The following CA8 variants were observed in gnomAD, a reference collection of about 807,000 sequenced individuals.
The protein encoded by CA8 is carbonic anhydrase-related protein.
A neutral mutation model predicts 41.4 loss-of-function variants in CA8; 22 were observed. The observed-to-expected ratio is 0.53, with a 90% CI of 0.38 to 0.76. The LOEUF (loss-of-function observed/expected upper bound fraction) is 0.76. CA8 is among the 30% of genes least tolerant of loss of function. The probability of loss-of-function intolerance (pLI) is 0.00; values close to 1 mark genes in which losing one functional copy is unlikely to be tolerated. For synonymous variants in CA8, 121 were observed against 130.6 expected, an observed-to-expected ratio of 0.93 and a Z score of 0.50; for missense variants, 270 against 352.8, an observed-to-expected ratio of 0.77 and a Z score of 1.88.
chr8:60,190,957 T>TATATATATATATATATATATATACAC lies in CA8; in HGVS notation c.*36-973_*36-972insGTGTATATATATATATATATATATAT, dbSNP rs1554573722. On this transcript the variant is annotated intron_variant, in intron 8 of 8. Transcript: ENST00000317995. ...CACACACTATATATATATATATATATACACACACACATTTCTACATATGCA... is the reference window on the plus strand; with the variant it reads ...CACACACTATATATATATATATATATATATATATATATATATATATATACACACACACACACATTTCTACATATGCA... Among the ~76,000 whole-genome samples, 269 of 104,036 alleles carry TATATATATATATATATATATATACAC rather than the reference T, an allele frequency of 2.6e-3. 3 individuals are homozygous for TATATATATATATATATATATATACAC. The highest frequency in any genetic ancestry group is 0.015 in the South Asian group (50 of 3,226). 68.3% of individuals were successfully genotyped at this position (104,036 alleles called of 152,430 possible).
intron 3 of CA8, among the ~76,000 whole-genome samples, chr8:60,256,392 A>G (rs1413371973): frequency 1.3e-5 from 2 of 152,192 alleles, no homozygotes; most frequent in African/African-American, 4.8e-5. Context: ...GCTGTTGCCT[A>G]GGGAACCATG....
intron 8 of CA8, among the ~76,000 whole-genome samples, chr8:60,205,652 C>CA (rs1311004109): frequency 2.0e-5 from 3 of 152,084 alleles, no homozygotes; most frequent in African/African-American, 7.2e-5. Context: ...AAGTATAATA[C>CA]AAAATCATAG....
At chr8:60,211,820 C>A (rs1806845262) in intron 7 of CA8, among the ~76,000 whole-genome samples, 1 of 152,158 alleles carries the variant, frequency 6.6e-6, no homozygotes, top group South Asian at 2.1e-4. Context: ...CCCCCAAAAC[C>A]CTTTAGTCAC....
At chr8:60,237,082 G>A (rs1380082593) in intron 3 of CA8, among the ~76,000 whole-genome samples, 2 of 152,158 alleles carry the variant, frequency 1.3e-5, no homozygotes, top group Non-Finnish European at 2.9e-5. Context: ...CGGCAACCCT[G>A]TGCACTTCTC....
At position 60,235,549 on chromosome 8, in the gene CA8, T is replaced by C. The variant is rs142274099; in HGVS notation, c.418-3170A>G. Among the ~76,000 whole-genome samples the C allele has an allele frequency of 5.8e-4, 88 of 152,368 alleles. 1 individual carries two copies. The highest frequency in any genetic ancestry group is 1.9e-3 in the African/African-American group (78 of 41,600). On this transcript the variant is annotated intron_variant, in intron 3 of 8. Coordinates refer to ENST00000317995, the MANE Select transcript of CA8 (RefSeq NM_004056.6). ...CTTCAAATCTGAAAAGCTTGAATTA[T>C]TCACATTGACATCTGTTCTGCCACT...
At position 60,187,232 on chromosome 8, in the gene CA8, C is replaced by G. The variant is rs1442050742; in HGVS notation, c.*2789G>C. 5 of 151,868 alleles carry G rather than the reference C, an allele frequency of 3.3e-5. No homozygotes were observed. Among genetic ancestry groups the G allele is most frequent in the African/African-American group, 1.2e-4 (5 of 41,348 alleles). The allele number at this position is 151,868 out of a possible 1,614,324, so 9.4% of individuals were successfully genotyped here. A position where few individuals can be genotyped will look rare whatever the true frequency, so the allele number is the denominator to read the frequency against. ...ATGTACTCCTAAATAACCATTGCAT[C>G]AAAAAGAAATTAAAAGGCAAAGTAT... On this transcript the variant is annotated 3_prime_UTR_variant, in exon 9 of 9. Transcript: ENST00000317995.
At chr8:60,236,445 T>C (rs1406417918) in intron 3 of CA8, among the ~76,000 whole-genome samples, 1 of 152,184 alleles carries the variant, frequency 6.6e-6, no homozygotes, top group Non-Finnish European at 1.5e-5. Flanking sequence ...TCCCTCTCCC[T>C]GTTTCTCTGG....
intron 2 of CA8, among the ~76,000 whole-genome samples, chr8:60,273,698 G>A (rs912658176): frequency 3.3e-5 from 5 of 152,232 alleles, no homozygotes; most frequent in Admixed American, 3.3e-4. Context: ...GAGACTAACA[G>A]GAGAGAAAAC....
intron 3 of CA8, among the ~76,000 whole-genome samples, chr8:60,259,702 A>G (rs1189929327): frequency 6.6e-6 from 1 of 151,954 alleles, no homozygotes; most frequent in Non-Finnish European, 1.5e-5. Context: ...TAAAAATGCA[A>G]GTGTTCATTA....
chr8:60,231,417 C>T (rs1471976529), intron 4 of CA8, among the ~76,000 whole-genome samples: 2 of 152,042 alleles, frequency 1.3e-5, no homozygotes, highest in African/African-American at 4.8e-5. Flanking sequence ...AAAATTGTTG[C>T]AATTAATTTT....
Position 60,256,758 on chromosome 8 carries a change from C to A in CA8, c.417+9167G>T, listed in dbSNP as rs563072930. Among the ~76,000 whole-genome samples, 7 of 152,088 alleles carry A rather than the reference C, an allele frequency of 4.6e-5. No homozygotes were observed. The East Asian group carries it at 7.7e-4, about 17-fold the overall frequency. On this transcript the variant is annotated intron_variant, in intron 3 of 8. Transcript: ENST00000317995. ...TTCCTTGCAAAATACAGTGATAAAACAAATTTTACTGTATATGCATGCATA... is the reference window on the plus strand; with the variant it reads ...TTCCTTGCAAAATACAGTGATAAAAAAAATTTTACTGTATATGCATGCATA...
chr8:60,210,110 A>G (rs1405552131), intron 7 of CA8, among the ~76,000 whole-genome samples: 3 of 152,212 alleles, frequency 2.0e-5, no homozygotes, highest in Non-Finnish European at 4.4e-5. Context: ...TTTGAAAATT[A>G]CCAGATTAGC....
chr8:60,242,887 C>A (rs1375230153), intron 3 of CA8, among the ~76,000 whole-genome samples: 1 of 152,242 alleles, frequency 6.6e-6, no homozygotes, highest in East Asian at 1.9e-4. Flanking sequence ...GTTATGGTCA[C>A]TTACCTTCAG....
At position 60,208,805 on chromosome 8, in the gene CA8, T is replaced by C; in HGVS notation, c.853A>G (p.Ile285Val). 6.2e-7 allele frequency: 1 copy of C among 1,614,190 alleles called. No homozygotes were observed. Among genetic ancestry groups the C allele is most frequent in the Non-Finnish European group, 8.5e-7 (1 of 1,180,032 alleles). Residue 285 changes from isoleucine to valine, a missense_variant, in exon 8 of 9, where the codon ATT becomes GTT. Ile to Val is a conservative substitution (Grantham distance 29, BLOSUM62 3). Coordinates refer to ENST00000317995, the MANE Select transcript of CA8 (RefSeq NM_004056.6). ...TTTGGCTACTGAAATGCAGCTCTAATGACTCTGTCACTAAGAGGCTGAGTG... is the reference window on the plus strand; with the variant it reads ...TTTGGCTACTGAAATGCAGCTCTAACGACTCTGTCACTAAGAGGCTGAGTG... ...RPTQPLSDRV[I>V]RAAFQ
intron 7 of CA8, among the ~76,000 whole-genome samples, chr8:60,214,149 T>C (rs1478602316): frequency 6.6e-6 from 1 of 152,186 alleles, no homozygotes; most frequent in Non-Finnish European, 1.5e-5. Context: ...GACTGGATGA[T>C]ATATAAAGAA....
chr8:60,236,927 G>A (rs533167573), intron 3 of CA8, among the ~76,000 whole-genome samples: 1 of 152,316 alleles, frequency 6.6e-6, no homozygotes, highest in South Asian at 2.1e-4. Context: ...GAAGTGGCCT[G>A]CAGTACATCT....
intron 4 of CA8, among the ~76,000 whole-genome samples, chr8:60,230,813 T>C (rs755407273): frequency 2.0e-5 from 3 of 152,202 alleles, no homozygotes; most frequent in Non-Finnish European, 2.9e-5. Context: ...GGGTTTTCAG[T>C]CCGGGGCTCT....
chr8:60,212,318 T>A (rs1806864329), intron 7 of CA8, among the ~76,000 whole-genome samples: 2 of 152,242 alleles, frequency 1.3e-5, no homozygotes, highest in Admixed American at 1.3e-4. Context: ...TTTCAGGAGT[T>A]CCCAAGTTCT....
rs147413501 is a variant in CA8 at position 60,243,628 on chromosome 8, C to T, written c.418-11249G>A. Reference sequence around the variant, plus strand: ...GTCTACGGCCATACCACCCTGAACGCGCCCGATCTCGTCTGAAACTTCTCA... The same window carrying T: ...GTCTACGGCCATACCACCCTGAACGTGCCCGATCTCGTCTGAAACTTCTCA... On this transcript the variant is annotated intron_variant, in intron 3 of 8. Coordinates refer to ENST00000317995, the MANE Select transcript of CA8 (RefSeq NM_004056.6). Among the ~76,000 whole-genome samples the T allele has an allele frequency of 5.8e-4, 88 of 152,218 alleles. No homozygotes were observed. In the East Asian group the frequency reaches 0.011, roughly 20 times the overall value.
Sources: allele counts gnomAD v4.1 joint callset (sites outside exome capture counted in the v4.1 genomes callset), GRCh38; gene constraint gnomAD v4.1.1; transcripts MANE v1.5; gene names NCBI Gene and HGNC (gene_info 2026-07-23, HGNC 2026-07-21).